The following UBTD1 variants were observed in gnomAD, a reference collection of about 807,000 sequenced individuals.
UBTD1 encodes the protein ubiquitin domain containing 1.
Under a neutral mutation model 21.7 loss-of-function variants are expected in UBTD1, and 19 were observed. The observed-to-expected ratio is 0.87, with a 90% CI of 0.61 to 1.28. The LOEUF (loss-of-function observed/expected upper bound fraction) is 1.28. Ranked by LOEUF, UBTD1 falls within the 50% of genes most tolerant of loss-of-function variation. The pLI is 0.00. For missense variants in UBTD1, 282 were observed against 315.1 expected (o/e 0.89, Z 0.80); for synonymous variants, 116 against 135.1 (o/e 0.86, Z 0.98).
chr10:97,541,379 G>C (rs546026555), intron 1 of UBTD1, among the ~76,000 whole-genome samples: 1 of 152,214 alleles, frequency 6.6e-6, no homozygotes, highest in South Asian at 2.1e-4. Flanking sequence ...TTGGGAGGTT[G>C]AGACGGGAGG....
In UBTD1 at chr10:97,506,527, C is replaced by T. The variant is rs146972009; in HGVS notation, c.70+7254C>T. Among the ~76,000 whole-genome samples, 712 of 151,834 alleles carry T rather than the reference C, an allele frequency of 4.7e-3. 2 individuals carry two copies. The highest frequency in any genetic ancestry group is 0.02 in the Middle Eastern group (6 of 294). Reference sequence around the variant, plus strand: ...TGACATAAAATTTACTTGTATGTAACAGCAAATTTTTCAGTCTATAGTTTT... The same window carrying T: ...TGACATAAAATTTACTTGTATGTAATAGCAAATTTTTCAGTCTATAGTTTT... On this transcript the variant is annotated intron_variant, in intron 1 of 2. Coordinates refer to ENST00000370664, the MANE Select transcript of UBTD1 (RefSeq NM_024954.5).
chr10:97,509,181 A>G (rs956953560), intron 1 of UBTD1, among the ~76,000 whole-genome samples: 3 of 152,200 alleles, frequency 2.0e-5, no homozygotes, highest in Admixed American at 2.0e-4. Context: ...TTAGATAGGC[A>G]AGGCAGGACT....
chr10:97,565,514 C>T (rs541787458), intron 1 of UBTD1, among the ~76,000 whole-genome samples: 7 of 152,138 alleles, frequency 4.6e-5, no homozygotes, highest in African/African-American at 1.7e-4. Flanking sequence ...CCTAGCAGGG[C>T]ATAGTGTCAC....
chr10:97,537,614 A>G lies in UBTD1; in HGVS notation c.71-30300A>G, dbSNP rs1248086990. Among the ~76,000 whole-genome samples, 3 of 152,190 alleles carry G rather than the reference A, an allele frequency of 2.0e-5. No individual in the cohort carries two copies. The East Asian group carries it at 5.8e-4, about 30-fold the overall frequency. ...GTATGTGGAGAGGGTGAGTGAGGTA[A>G]GAGGTCTGAAAAGAGGGAGGAGGGT... On this transcript the variant is annotated intron_variant, in intron 1 of 2. Transcript: ENST00000370664.
chr10:97,526,626 A>T (rs1379381696), intron 1 of UBTD1, among the ~76,000 whole-genome samples: 1 of 152,152 alleles, frequency 6.6e-6, no homozygotes, highest in Non-Finnish European at 1.5e-5. Context: ...CCTGCCTTAC[A>T]TATCATTTGG....
At chr10:97,531,981 G>T (rs1043865381) in intron 1 of UBTD1, among the ~76,000 whole-genome samples, 1 of 152,220 alleles carries the variant, frequency 6.6e-6, no homozygotes, top group African/African-American at 2.4e-5. Context: ...TGGGGGCCAA[G>T]ACCAGCAGGA....
At chr10:97,510,104 A>G (rs1399780516) in intron 1 of UBTD1, among the ~76,000 whole-genome samples, 1 of 152,090 alleles carries the variant, frequency 6.6e-6, no homozygotes, top group Non-Finnish European at 1.5e-5. Context: ...CTGGGATTAC[A>G]GGTGTGTGCC....
intron 1 of UBTD1, among the ~76,000 whole-genome samples, chr10:97,508,321 T>G (rs986718063): frequency 2.0e-5 from 3 of 152,236 alleles, no homozygotes; most frequent in African/African-American, 7.2e-5. Flanking sequence ...TTGTTTTGTT[T>G]TGTTTTTTAA....
At chr10:97,548,740 G>A (rs2040622464) in intron 1 of UBTD1, among the ~76,000 whole-genome samples, 1 of 152,206 alleles carries the variant, frequency 6.6e-6, no homozygotes, top group Non-Finnish European at 1.5e-5. Context: ...TTGCGTCACT[G>A]TACTCTGGTC....
intron 1 of UBTD1, among the ~76,000 whole-genome samples, chr10:97,509,393 G>A (rs985331436): frequency 3.3e-5 from 5 of 152,238 alleles, no homozygotes; most frequent in African/African-American, 1.2e-4. Flanking sequence ...GTGATCATGT[G>A]TGTGTGATGT....
rs1378259117 is a variant in UBTD1 at position 97,532,339 on chromosome 10, C to G, written c.70+33066C>G. 2.0e-5 allele frequency among the ~76,000 whole-genome samples: 3 copies of G among 152,230 alleles called. No individual in the cohort carries two copies. The South Asian group carries it at 6.2e-4, about 31-fold the overall frequency. The stretch of plus-strand genomic sequence containing the variant: ...ATATGTTCCACAGTTAAGGCGAGCT[C>G]TTTTTCTCCTCGAAAGCTCTGTTGA... On this transcript the variant is annotated intron_variant, in intron 1 of 2. Coordinates refer to ENST00000370664, the MANE Select transcript of UBTD1 (RefSeq NM_024954.5).
chr10:97,505,816 C>T (rs1429374930), intron 1 of UBTD1, among the ~76,000 whole-genome samples: 1 of 152,176 alleles, frequency 6.6e-6, no homozygotes, highest in African/African-American at 2.4e-5. Flanking sequence ...TAGAAAGTTT[C>T]TATTATTCCA....
chr10:97,499,767 G>A (rs2040333182), intron 1 of UBTD1, among the ~76,000 whole-genome samples: 1 of 152,210 alleles, frequency 6.6e-6, no homozygotes, highest in African/African-American at 2.4e-5. Context: ...AGCAGCGCAG[G>A]ACTCTGGGAA....
At position 97,570,505 on chromosome 10, in the gene UBTD1, C is replaced by G; in HGVS notation, c.666C>G (p.Pro222=). The G allele has an allele frequency of 6.2e-7, 1 of 1,607,916 alleles. No homozygotes were observed. Among genetic ancestry groups the G allele is most frequent in the East Asian group, 2.2e-5 (1 of 44,732 alleles). The change falls in exon 3 of 3, where the codon CCC becomes CCG. Residue 222 remains proline, a synonymous_variant. Transcript: ENST00000370664. This position sits in a 1 kb window ranked among gnomAD's most constrained non-coding sequence, Gnocchi z 6.6. ...TCATCCAGGTCATCATCAACCAGCC[C>G]CCACCACCCCAGGACTGATGGGCCC... ...DFVIQVIINQ[P]PPPQD is the part of the protein sequence containing the mutation.
At chr10:97,552,419 A>G (rs112676988) in intron 1 of UBTD1, among the ~76,000 whole-genome samples, 2,111 of 144,056 alleles carry the variant, frequency 0.015, 56 homozygotes, top group African/African-American at 0.053. Flanking sequence ...TTTTTGAAAC[A>G]CAGTCTCGTT....
At chr10:97,552,633 C>T (rs1323638166) in intron 1 of UBTD1, among the ~76,000 whole-genome samples, 1 of 152,042 alleles carries the variant, frequency 6.6e-6, no homozygotes, top group Non-Finnish European at 1.5e-5. Context: ...GAACTCCTCA[C>T]CTCAAGTGAT....
chr10:97,552,481 C>T (rs145253015), intron 1 of UBTD1, among the ~76,000 whole-genome samples: 77 of 147,654 alleles, frequency 5.2e-4, no homozygotes, highest in African/African-American at 1.8e-3. Flanking sequence ...CTGCAACCTC[C>T]GCCTCCTCAG....
intron 1 of UBTD1, among the ~76,000 whole-genome samples, chr10:97,528,576 C>G (rs11189263): frequency 0.85 from 25,428 of 29,784 alleles, 12,093 homozygotes; most frequent in East Asian, 0.99. Flanking sequence ...GCGGGGGGCT[C>G]ACCCCCCCAC....
chr10:97,505,103 C>G (rs897148461), intron 1 of UBTD1, among the ~76,000 whole-genome samples: 3 of 152,116 alleles, frequency 2.0e-5, no homozygotes, highest in Non-Finnish European at 1.5e-5. Flanking sequence ...ATAGGGTGGC[C>G]TAATAGACTA....
Sources: gnomAD v4.1 joint callset for allele counts (sites outside exome capture counted in the v4.1 genomes callset) on GRCh38, gnomAD v4.1.1 for gene constraint, Gnocchi (gnomAD v3.1) non-coding constraint, MANE v1.5 for transcripts, NCBI Gene and HGNC (gene_info 2026-07-23, HGNC 2026-07-21) for gene names.